The following THSD4 variants were observed in gnomAD, a reference collection of about 807,000 sequenced individuals.
THSD4 encodes the protein thrombospondin type-1 domain-containing protein 4.
Under a neutral mutation model 119.0 loss-of-function variants are expected in THSD4, and 69 were observed. That is an observed-to-expected ratio of 0.58 (90% CI 0.48 to 0.71). The LOEUF (loss-of-function observed/expected upper bound fraction) is 0.71, where lower values mean the gene tolerates loss of function less well. THSD4 is among the 30% of genes least tolerant of loss of function. THSD4 has a pLI of 0.00. For missense variants in THSD4, 1,393 were observed against 1,391.1 expected (o/e 1.00, Z -0.02); for synonymous variants, 524 against 540.4 (o/e 0.97, Z 0.42).
chr15:71,668,039 G>T lies in THSD4; in HGVS notation c.1357+7305G>T, dbSNP rs140317877. On this transcript the variant is annotated intron_variant, in intron 8 of 17. Coordinates refer to ENST00000261862, the MANE Select transcript of THSD4 (RefSeq NM_024817.3). ...TTAATACATATAAGCCTATGTTATT[G>T]ATTTTTTTTTAGTGCAGAGTATTCT... is the stretch of plus-strand genomic sequence containing the variant. Among the ~76,000 whole-genome samples the T allele has an allele frequency of 3.6e-3, 551 of 152,012 alleles. 2 individuals are homozygous for T. Among genetic ancestry groups the T allele is most frequent in the African/African-American group, 0.013 (526 of 41,464 alleles).
intron 3 of THSD4, chr15:71,185,947 T>C (rs921884975): frequency 1.3e-5 from 2 of 152,182 alleles, no homozygotes; most frequent in African/African-American, 2.4e-5. Flanking sequence ...AGAGTGACAA[T>C]GATGACAGTG....
chr15:71,111,048 G>T, upstream of THSD4: 1 of 1,308,696 alleles, frequency 7.6e-7, no homozygotes, highest in Non-Finnish European at 1.0e-6. Flanking sequence ...TCCGGGTGAT[G>T]CCTCTTGGCT....
At chr15:71,311,065 A>C (rs2140349555) in intron 6 of THSD4, among the ~76,000 whole-genome samples, 1 of 152,212 alleles carries the variant, frequency 6.6e-6, no homozygotes, top group East Asian at 1.9e-4. Context: ...TGTGCTCCAC[A>C]CAGTCCTCAG....
At chr15:71,353,553 T>A (rs2140409234) in intron 6 of THSD4, among the ~76,000 whole-genome samples, 1 of 152,340 alleles carries the variant, frequency 6.6e-6, no homozygotes, top group South Asian at 2.1e-4. Flanking sequence ...AAGGAGTCAT[T>A]GATGAGCTTC....
intron 4 of THSD4, among the ~76,000 whole-genome samples, chr15:71,222,552 A>C (rs1025094555): frequency 6.6e-6 from 1 of 152,196 alleles, no homozygotes; most frequent in African/African-American, 2.4e-5. Context: ...GAAAGCCTCA[A>C]CTATGAAAAT....
chr15:71,542,881 A>C (rs988682311), intron 7 of THSD4, among the ~76,000 whole-genome samples: 8 of 151,798 alleles, frequency 5.3e-5, no homozygotes, highest in Non-Finnish European at 1.2e-4. Context: ...TGTCTCAAAA[A>C]AAAAAACAAA....
At chr15:71,579,774 C>A (rs1245852288) in intron 7 of THSD4, among the ~76,000 whole-genome samples, 2 of 152,124 alleles carry the variant, frequency 1.3e-5, no homozygotes, top group African/African-American at 4.8e-5. Flanking sequence ...ATGAGAGACA[C>A]CTGTTTATAA....
intron 2 of THSD4, among the ~76,000 whole-genome samples, chr15:71,153,346 C>T (rs1410558816): frequency 1.3e-5 from 2 of 152,168 alleles, no homozygotes; most frequent in Non-Finnish European, 2.9e-5. Context: ...GGCGCGCACC[C>T]GCTTTGTAGT....
chr15:71,111,339 T>G, upstream of THSD4: 1 of 1,613,928 alleles, frequency 6.2e-7, no homozygotes, highest in Non-Finnish European at 8.5e-7. Flanking sequence ...AATTTTCTCT[T>G]GCCCAGTTGT....
intron 8 of THSD4, among the ~76,000 whole-genome samples, chr15:71,704,004 C>T (rs1214038459): frequency 3.3e-5 from 5 of 152,142 alleles, no homozygotes; most frequent in African/African-American, 7.2e-5. Context: ...CGCCCACCAC[C>T]ACGCCCGGCT....
chr15:71,196,253 C>T (rs1202376353), intron 3 of THSD4, among the ~76,000 whole-genome samples: 1 of 152,144 alleles, frequency 6.6e-6, no homozygotes, highest in Non-Finnish European at 1.5e-5. Flanking sequence ...TTAATATTAT[C>T]ACATTGGCAG....
intron 3 of THSD4, among the ~76,000 whole-genome samples, chr15:71,198,788 C>G (rs1345617001): frequency 6.6e-6 from 1 of 152,228 alleles, no homozygotes; most frequent in Non-Finnish European, 1.5e-5. Flanking sequence ...CCACCATTCA[C>G]TGAAAGGGAT....
intron 2 of THSD4, among the ~76,000 whole-genome samples, chr15:71,154,267 T>C (rs899794901): frequency 5.6e-4 from 85 of 152,326 alleles, no homozygotes; most frequent in African/African-American, 1.9e-3. Context: ...CTCCTCTTTA[T>C]TTGATGACAT....
intron 6 of THSD4, among the ~76,000 whole-genome samples, chr15:71,314,685 T>C (rs1433043746): frequency 1.3e-5 from 2 of 152,218 alleles, no homozygotes; most frequent in Non-Finnish European, 2.9e-5. Context: ...CATAATCTTA[T>C]TATTTGTATC....
chr15:71,452,581 G>A (rs1263141726), intron 7 of THSD4, among the ~76,000 whole-genome samples: 1 of 151,566 alleles, frequency 6.6e-6, no homozygotes, highest in African/African-American at 2.4e-5. Context: ...GATGGTATTT[G>A]GAGATGGGGC....
chr15:71,664,130 T>C (rs8034224), intron 8 of THSD4, among the ~76,000 whole-genome samples: 39,965 of 151,490 alleles, frequency 0.26, 6,150 homozygotes, highest in East Asian at 0.74. Context: ...CTACAGGCGC[T>C]CACCACCATA....
chr15:71,690,069 A>C (rs765080128), intron 8 of THSD4, among the ~76,000 whole-genome samples: 6 of 152,210 alleles, frequency 3.9e-5, no homozygotes, highest in Non-Finnish European at 8.8e-5. Flanking sequence ...ATCCCAGTGG[A>C]ATCAGATTCA....
chr15:71,531,760 C>T (rs4378576), intron 7 of THSD4, among the ~76,000 whole-genome samples: 40,793 of 152,204 alleles, frequency 0.27, 6,215 homozygotes, highest in East Asian at 0.62. Context: ...CACTACAATT[C>T]AGTTATCACT....
chr15:71,326,162 T>C (rs992749888), intron 6 of THSD4, among the ~76,000 whole-genome samples: 1 of 152,198 alleles, frequency 6.6e-6, no homozygotes, highest in African/African-American at 2.4e-5. Context: ...TGGCCACTAA[T>C]GTGACCTAGA....
Sources: gnomAD v4.1 joint callset for allele counts (sites outside exome capture counted in the v4.1 genomes callset) on GRCh38, gnomAD v4.1.1 for gene constraint, MANE v1.5 for transcripts, NCBI Gene and HGNC (gene_info 2026-07-23, HGNC 2026-07-21) for gene names.